Variants in GLI2 observed in about 807,000 individuals in gnomAD.
GLI2 encodes transcription activator GLI2.
In GLI2, 22 loss-of-function variants were observed where a neutral mutation model predicts 78.9. That is an observed-to-expected ratio of 0.28 (90% CI 0.20 to 0.40). The LOEUF is 0.40. GLI2 is among the 10% of genes least tolerant of loss of function. The pLI, the probability that GLI2 is intolerant of heterozygous loss-of-function variation, is 1.00. For missense variants in GLI2, 2,097 were observed against 2,213.2 expected (o/e 0.95, Z 1.05); for synonymous variants, 974 against 963.7 (o/e 1.01, Z -0.20).
At position 120,986,264 on chromosome 2, in the gene GLI2, C is replaced by G; in HGVS notation, c.1906-14C>G. On this transcript the variant is annotated splice_polypyrimidine_tract_variant and intron_variant, in intron 12 of 13. Coordinates refer to ENST00000361492, the MANE Select transcript of GLI2 (RefSeq NM_001374353.1). ...ACCCTCTGAGTCTGAGCCTTCTTGC[C>G]TCGTCCCCTGCAGCTGTGTCAGTCC... The G allele has an allele frequency of 6.2e-7, 1 of 1,611,076 alleles. No homozygotes were observed.
At chr2:120,881,837 A>AG (rs1677167226) in intron 2 of GLI2, among the ~76,000 whole-genome samples, 1 of 1,340 alleles carries the variant, frequency 7.5e-4, no homozygotes, top group Admixed American at 9.4e-3. Context: ...AGTAGAGGGC[A>AG]AGACAGGTGG....
In GLI2 at chr2:120,990,471, C is replaced by A. The variant is rs200499325; in HGVS notation, c.4506C>A (p.Gly1502=). The A allele has an allele frequency of 6.2e-6, 10 of 1,613,940 alleles. No homozygotes were observed. In the South Asian group the frequency reaches 9.9e-5, roughly 16 times the overall value. Residue 1502 remains glycine (G), a synonymous_variant, in exon 14 of 14, where the codon GGC becomes GGA. Transcript: ENST00000361492. Reference sequence around the variant, plus strand: ...ACTTCGATGCCATCATGGATGATGGCGATCACTCGAGTTTGTTCTCGGGTG... The same window carrying A: ...ACTTCGATGCCATCATGGATGATGGAGATCACTCGAGTTTGTTCTCGGGTG... ...QIDFDAIMDD[G]DHSSLFSGAL... is the part of the protein sequence containing the mutation.
intron 3 of GLI2, among the ~76,000 whole-genome samples, chr2:120,948,462 G>A (rs1342445465): frequency 6.6e-6 from 1 of 152,160 alleles, no homozygotes; most frequent in Non-Finnish European, 1.5e-5. Context: ...CCCAAATGGT[G>A]GCAACTGCAC....
chr2:120,945,343 A>G (rs1466042), intron 3 of GLI2, among the ~76,000 whole-genome samples: 120,198 of 152,170 alleles, frequency 0.79, 52,346 homozygotes, highest in East Asian at 1. Flanking sequence ...TGTCCTACTT[A>G]CCCAGAGTCC....
intron 1 of GLI2, among the ~76,000 whole-genome samples, chr2:120,775,353 C>T (rs1010511025): frequency 2.6e-5 from 4 of 152,172 alleles, no homozygotes; most frequent in African/African-American, 4.8e-5. Context: ...CTTCGTGACG[C>T]GTGTGTTATT....
chr2:120,775,596 G>A (rs944753915), intron 1 of GLI2, among the ~76,000 whole-genome samples: 14 of 152,190 alleles, frequency 9.2e-5, no homozygotes, highest in Non-Finnish European at 4.4e-5. Context: ...TCTCACTAGG[G>A]AGAGTACCCC....
chr2:120,929,351 T>C (rs1384347014), intron 3 of GLI2, among the ~76,000 whole-genome samples: 2 of 152,240 alleles, frequency 1.3e-5, no homozygotes, highest in Admixed American at 6.5e-5. Flanking sequence ...ACTTAGAGGA[T>C]ATGGAAATAT....
chr2:120,953,821 A>G (rs1223309402), intron 4 of GLI2, among the ~76,000 whole-genome samples: 1 of 152,164 alleles, frequency 6.6e-6, no homozygotes, highest in African/African-American at 2.4e-5. Context: ...ACTGCACTTC[A>G]GCCTGGGCAA....
At chr2:120,770,484 C>T (rs1044922717) in intron 1 of GLI2, among the ~76,000 whole-genome samples, 2 of 152,214 alleles carry the variant, frequency 1.3e-5, no homozygotes, top group South Asian at 2.1e-4. Flanking sequence ...TCAGGGGACC[C>T]AGGAGCTGTT....
chr2:120,764,532 G>A lies in GLI2; in HGVS notation c.-31+28247G>A, dbSNP rs547367047. On this transcript the variant is annotated intron_variant, in intron 1 of 13. Transcript: ENST00000361492. The stretch of plus-strand genomic sequence containing the variant: ...GGGAGTGAGTGTCCGGGTCACAGCT[G>A]GGTATTGGAGGGACCACTGGCTGCA... 9.8e-5 allele frequency among the ~76,000 whole-genome samples: 15 copies of A among 152,320 alleles called. No homozygotes were observed. The East Asian group carries it at 2.7e-3, about 27-fold the overall frequency.
chr2:120,778,852 G>A (rs1270950030), intron 1 of GLI2, among the ~76,000 whole-genome samples: 1 of 152,218 alleles, frequency 6.6e-6, no homozygotes, highest in Non-Finnish European at 1.5e-5. Context: ...GGCTTTGCCA[G>A]TGGAAGTGCT....
chr2:120,882,387 CG>C (rs1677196395), intron 2 of GLI2, among the ~76,000 whole-genome samples: 1 of 152,172 alleles, frequency 6.6e-6, no homozygotes, highest in Non-Finnish European at 1.5e-5. Context: ...CAGCTGCTGC[CG>C]GCTGCGGGAT....
Position 120,807,016 on chromosome 2 carries a change from C to T in GLI2, c.148+9548C>T, listed in dbSNP as rs570873938. 3.3e-5 allele frequency among the ~76,000 whole-genome samples: 5 copies of T among 152,206 alleles called. No homozygotes were observed. The South Asian group carries it at 8.3e-4, about 25-fold the overall frequency. ...GGGAAGGAGTGTGGTCTCAGTAGGA[C>T]CTGGTAACACTGCTGTGTACAGCCC... On this transcript the variant is annotated intron_variant, in intron 2 of 13. Transcript: ENST00000361492.
chr2:120,986,242 C>G lies in GLI2; in HGVS notation c.1906-36C>G, dbSNP rs377599086. The G allele has an allele frequency of 2.3e-5, 37 of 1,582,500 alleles. No homozygotes were observed. The African/African-American group carries it at 4.8e-4, about 21-fold the overall frequency. On this transcript the variant is annotated intron_variant, in intron 12 of 13. Transcript: ENST00000361492. ...GCAGGACCAGGTGGAATCTGATACC[C>G]TCTGAGTCTGAGCCTTCTTGCCTCG...
intron 9 of GLI2, 46 bp from the exon 10 acceptor site, chr2:120,978,388 G>A (rs1573718401): frequency 6.2e-7 from 1 of 1,611,958 alleles, no homozygotes; most frequent in East Asian, 2.2e-5. Flanking sequence ...GTGGTCTGTG[G>A]GCCTCTGGCC....
intron 2 of GLI2, among the ~76,000 whole-genome samples, chr2:120,826,841 G>C (rs899930561): frequency 3.3e-5 from 5 of 152,104 alleles, no homozygotes; most frequent in Non-Finnish European, 7.3e-5. Flanking sequence ...TTTCAGATCC[G>C]CCTGGGCAAC....
rs977413922 is a variant in GLI2, at chr2:120,990,313, C to G, written c.4348C>G (p.Gln1450Glu). The G allele has an allele frequency of 5.6e-6, 9 of 1,613,774 alleles. No individual in the cohort carries two copies. The highest frequency in any genetic ancestry group is 7.6e-6 in the Non-Finnish European group (9 of 1,180,024). Reference sequence around the variant, plus strand: ...AGGCCTGGAGAACCTCGGGAGCTGCCAGGTCATGCGGTCCCAGCCACCACA... The same window carrying G: ...AGGCCTGGAGAACCTCGGGAGCTGCGAGGTCATGCGGTCCCAGCCACCACA... ...DGGLENLGSCQVMRSQPPQPQ... is the reference protein window; with the variant it reads ...DGGLENLGSCEVMRSQPPQPQ... The change falls in exon 14 of 14, where the codon CAG (glutamine) becomes GAG (glutamate). Residue 1450 changes from glutamine to glutamate, a missense_variant. Gln to Glu is a conservative substitution (Grantham distance 29). Around this residue, in one of 5 missense-constraint regions of GLI2, gnomAD observed 1,290 missense variants for 1,261.7 expected, o/e 1.02. Coordinates refer to ENST00000361492, the MANE Select transcript of GLI2 (RefSeq NM_001374353.1).
At chr2:120,936,952 C>T (rs1370358820) in intron 3 of GLI2, among the ~76,000 whole-genome samples, 1 of 152,160 alleles carries the variant, frequency 6.6e-6, no homozygotes, top group African/African-American at 2.4e-5. Flanking sequence ...TGCTGCTGCC[C>T]TCAAGCCTCT....
chr2:120,786,763 A>T (rs1445381519), intron 1 of GLI2, among the ~76,000 whole-genome samples: 3 of 152,136 alleles, frequency 2.0e-5, no homozygotes, highest in Non-Finnish European at 4.4e-5. Context: ...TGCAGCAGAC[A>T]TTAGAAGTCG....
Sources: allele counts gnomAD v4.1 joint callset (sites outside exome capture counted in the v4.1 genomes callset), GRCh38; gene constraint gnomAD v4.1.1; regional missense constraint gnomAD v4.1.1; transcripts MANE v1.5; gene names NCBI Gene and HGNC (gene_info 2026-07-23, HGNC 2026-07-21).